Variants in DARS1 observed in about 807,000 individuals in gnomAD.
DARS1 encodes the protein aspartyl-tRNA synthetase 1.
A neutral mutation model predicts 68.8 loss-of-function variants in DARS1; 51 were observed. That is an observed-to-expected ratio of 0.74 (90% CI 0.59 to 0.94). The LOEUF is 0.94. DARS1 is among the 40% of genes least tolerant of loss of function. The probability of loss-of-function intolerance (pLI) is 0.00; values close to 1 mark genes in which losing one functional copy is unlikely to be tolerated. For missense variants in DARS1, 607 were observed against 597.3 expected (o/e 1.02, Z -0.17); for synonymous variants, 203 against 190.4 (o/e 1.07, Z -0.55).
chr2:135,967,126 T>C (rs1032176017), intron 3 of DARS1, among the ~76,000 whole-genome samples: 1 of 152,216 alleles, frequency 6.6e-6, no homozygotes, highest in African/African-American at 2.4e-5. Context: ...CATCTCTTCC[T>C]GCTGACTTTT....
At chr2:135,950,291 A>G (rs535876564) in intron 4 of DARS1, among the ~76,000 whole-genome samples, 5 of 152,348 alleles carry the variant, frequency 3.3e-5, no homozygotes, top group East Asian at 1.9e-4. Flanking sequence ...CATTTTATAT[A>G]TAACAACTGA....
chr2:135,954,504 G>A (rs1681919853), intron 4 of DARS1, among the ~76,000 whole-genome samples: 1 of 152,024 alleles, frequency 6.6e-6, no homozygotes, highest in South Asian at 2.1e-4. Flanking sequence ...TTATTATAAG[G>A]GAACCTGTTA....
At chr2:135,960,333 A>G (rs1010539456) in intron 4 of DARS1, among the ~76,000 whole-genome samples, 15 of 152,310 alleles carry the variant, frequency 9.8e-5, no homozygotes, top group African/African-American at 3.4e-4. Flanking sequence ...GTAATTTGAT[A>G]AATATCTAAA....
chr2:135,982,207 A>T (rs944538950), intron 2 of DARS1, among the ~76,000 whole-genome samples: 3 of 152,222 alleles, frequency 2.0e-5, no homozygotes, highest in Non-Finnish European at 4.4e-5. Context: ...ATCTGTTGAA[A>T]TTACATATAT....
At chr2:135,964,617 G>C (rs1433906624) in intron 3 of DARS1, among the ~76,000 whole-genome samples, 1 of 152,088 alleles carries the variant, frequency 6.6e-6, no homozygotes, top group Non-Finnish European at 1.5e-5. Flanking sequence ...GAGGTGGGCG[G>C]ATCACTTGAG....
intron 4 of DARS1, among the ~76,000 whole-genome samples, chr2:135,953,700 C>T (rs1217182962): frequency 6.6e-6 from 1 of 152,110 alleles, no homozygotes; most frequent in Non-Finnish European, 1.5e-5. Flanking sequence ...CCCTGTCCCT[C>T]CCCCTTATTT....
At chr2:135,959,537 G>C (rs527849581) in intron 4 of DARS1, among the ~76,000 whole-genome samples, 9 of 151,594 alleles carry the variant, frequency 5.9e-5, no homozygotes, top group African/African-American at 2.2e-4. Context: ...GTTCTGTTTG[G>C]GAGACCATTT....
intron 6 of DARS1, among the ~76,000 whole-genome samples, chr2:135,933,469 A>C (rs1350861170): frequency 6.6e-6 from 1 of 152,188 alleles, no homozygotes; most frequent in African/African-American, 2.4e-5. Context: ...AGGATGAGGG[A>C]GCTGAGTGGT....
At chr2:135,976,311 T>C (rs1682496525) in intron 3 of DARS1, among the ~76,000 whole-genome samples, 1 of 152,198 alleles carries the variant, frequency 6.6e-6, no homozygotes, top group African/African-American at 2.4e-5. Flanking sequence ...AGTTTTAAAA[T>C]AGTGCAATTA....
chr2:135,929,684 ACTTCT>A lies in DARS1; in HGVS notation c.564+3094_564+3098del, dbSNP rs200618507. ...ATCTCTTATACTACAAAATTACGAA[ACTTCT>A]CTTAAAGAGTTGAGATTTTAATTTT... On this transcript the variant is annotated intron_variant, in intron 7 of 15. Transcript: ENST00000264161. Among the ~76,000 whole-genome samples the A allele has an allele frequency of 5.5e-3, 844 of 152,308 alleles. 6 individuals carry two copies. The highest frequency in any genetic ancestry group is 0.019 in the African/African-American group (808 of 41,566).
chr2:135,919,725 T>G (rs1681078014), intron 10 of DARS1, among the ~76,000 whole-genome samples: 1 of 152,354 alleles, frequency 6.6e-6, no homozygotes, highest in Non-Finnish European at 1.5e-5. Context: ...ACATTCTACA[T>G]GATTCAATTT....
intron 13 of DARS1, 85 bp downstream of exon 13, chr2:135,912,401 C>A: frequency 1.7e-6 from 1 of 603,756 alleles, no homozygotes; most frequent in South Asian, 2.4e-5. Flanking sequence ...TTAATGAAAA[C>A]CATTATTCCT....
chr2:135,962,242 T>C (rs1682118877), intron 3 of DARS1, among the ~76,000 whole-genome samples: 1 of 152,226 alleles, frequency 6.6e-6, no homozygotes, highest in East Asian at 1.9e-4. Context: ...TCCTTATTCT[T>C]AACCTTCTGA....
intron 7 of DARS1, among the ~76,000 whole-genome samples, chr2:135,925,580 G>C (rs564743635): frequency 6.6e-6 from 1 of 152,138 alleles, no homozygotes; most frequent in South Asian, 2.1e-4. Flanking sequence ...CATGTAAACT[G>C]GTCATATTTA....
At chr2:135,950,039 T>C (rs1373651871) in intron 4 of DARS1, among the ~76,000 whole-genome samples, 1 of 152,220 alleles carries the variant, frequency 6.6e-6, no homozygotes, top group South Asian at 2.1e-4. Context: ...GCTGGAACTA[T>C]CTGATTTGAT....
intron 4 of DARS1, among the ~76,000 whole-genome samples, chr2:135,945,817 C>T (rs16832274): frequency 0.021 from 3,260 of 152,248 alleles, 96 homozygotes; most frequent in African/African-American, 0.064. Context: ...ACTGAATCAA[C>T]GGGAAAGAAG....
At chr2:135,917,924 G>T (rs1681041462) in intron 10 of DARS1, among the ~76,000 whole-genome samples, 2 of 151,120 alleles carry the variant, frequency 1.3e-5, no homozygotes, top group South Asian at 2.1e-4. Context: ...TTTTAAATTT[G>T]TTTTTTATTT....
chr2:135,982,322 C>T (rs896078733), intron 2 of DARS1, among the ~76,000 whole-genome samples: 7 of 152,086 alleles, frequency 4.6e-5, no homozygotes, highest in East Asian at 3.9e-4. Flanking sequence ...AGGCCGGGTG[C>T]GGTGGCTCAC....
At chr2:135,972,899 G>A (rs1461142394) in intron 3 of DARS1, among the ~76,000 whole-genome samples, 2 of 152,130 alleles carry the variant, frequency 1.3e-5, no homozygotes, top group Admixed American at 6.5e-5. Context: ...AGTTAAAAAG[G>A]CTTATATCAA....
Sources: allele counts gnomAD v4.1 joint callset (sites outside exome capture counted in the v4.1 genomes callset), GRCh38; gene constraint gnomAD v4.1.1; transcripts MANE v1.5; gene names NCBI Gene and HGNC (gene_info 2026-07-23, HGNC 2026-07-21).